Variants in GALNT13 observed in about 807,000 individuals in gnomAD.
The protein encoded by GALNT13 is polypeptide N-acetylgalactosaminyltransferase 13.
In GALNT13, 28 loss-of-function variants were observed where a neutral mutation model predicts 64.2. The observed-to-expected ratio is 0.44, with a 90% CI of 0.32 to 0.60. The LOEUF (loss-of-function observed/expected upper bound fraction) is 0.60, where lower values mean the gene tolerates loss of function less well. Ranked by LOEUF, GALNT13 falls within the 20% of genes least tolerant of loss-of-function variation. The pLI is 0.05. For synonymous variants in GALNT13, 214 were observed against 224.6 expected (o/e 0.95, Z 0.42); for missense variants, 577 against 669.8 (o/e 0.86, Z 1.53).
the GALNT13 span, among the ~76,000 whole-genome samples, chr2:153,632,405 G>C: frequency 0.2 from 29,652 of 151,984 alleles, 3,078 homozygotes; most frequent in African/African-American, 0.25. Flanking sequence ...TCCTTTGTGT[G>C]GTGGGGTTTT....
the GALNT13 span, among the ~76,000 whole-genome samples, chr2:153,858,081 A>G: frequency 9.8e-5 from 15 of 152,330 alleles, no homozygotes; most frequent in African/African-American, 3.4e-4. Flanking sequence ...ACTAGGAAAG[A>G]GAGATAGGTG....
At chr2:154,401,993 G>A (rs1472385332) in intron 10 of GALNT13, among the ~76,000 whole-genome samples, 1 of 152,054 alleles carries the variant, frequency 6.6e-6, no homozygotes, top group Non-Finnish European at 1.5e-5. Flanking sequence ...ATCCACAAGA[G>A]CAATCATATT....
chr2:153,883,024 A>G (rs1005605210), intron 1 of GALNT13, among the ~76,000 whole-genome samples: 4 of 148,720 alleles, frequency 2.7e-5, no homozygotes, highest in African/African-American at 9.8e-5. Flanking sequence ...AAAAGAGACA[A>G]ATATATGTTA....
intron 4 of GALNT13, among the ~76,000 whole-genome samples, chr2:154,191,144 G>C (rs1392568885): frequency 6.6e-6 from 1 of 152,168 alleles, no homozygotes; most frequent in Non-Finnish European, 1.5e-5. Flanking sequence ...AACAAACAAG[G>C]CTGCCTGCTC....
At chr2:154,425,825 T>C (rs1700444838) in intron 11 of GALNT13, among the ~76,000 whole-genome samples, 1 of 152,146 alleles carries the variant, frequency 6.6e-6, no homozygotes. Context: ...GAAAAGTATG[T>C]TGAATAAATA....
chr2:154,449,089 C>T (rs942925595), intron 12 of GALNT13, among the ~76,000 whole-genome samples: 1 of 151,834 alleles, frequency 6.6e-6, no homozygotes, highest in Non-Finnish European at 1.5e-5. Context: ...ATAAATCAGC[C>T]ATCTTCTTGC....
chr2:153,382,497 C>T, the GALNT13 span, among the ~76,000 whole-genome samples: 1 of 152,076 alleles, frequency 6.6e-6, no homozygotes, highest in African/African-American at 2.4e-5. Flanking sequence ...CTGCAAAAGA[C>T]ATGATTTCAT....
chr2:153,352,181 T>G, the GALNT13 span, among the ~76,000 whole-genome samples: 4 of 152,158 alleles, frequency 2.6e-5, no homozygotes, highest in Non-Finnish European at 5.9e-5. Context: ...TCATTACTGT[T>G]TTTATTTGCA....
At chr2:153,856,337 G>A in the GALNT13 span, among the ~76,000 whole-genome samples, 2 of 152,136 alleles carry the variant, frequency 1.3e-5, no homozygotes, top group African/African-American at 4.8e-5. Flanking sequence ...TGTTCATTAA[G>A]GATTTCCATT....
intron 8 of GALNT13, among the ~76,000 whole-genome samples, chr2:154,267,311 G>C (rs1691066679): frequency 6.6e-6 from 1 of 152,122 alleles, no homozygotes; most frequent in South Asian, 2.1e-4. Flanking sequence ...TAAGAGAATG[G>C]ATTGGTAAAT....
chr2:153,728,959 A>G, the GALNT13 span, among the ~76,000 whole-genome samples: 7 of 152,238 alleles, frequency 4.6e-5, no homozygotes, highest in Non-Finnish European at 8.8e-5. Context: ...ATCCCTGAAT[A>G]GACCAATAAC....
chr2:153,647,946 T>C, the GALNT13 span, among the ~76,000 whole-genome samples: 3 of 152,244 alleles, frequency 2.0e-5, no homozygotes, highest in South Asian at 4.2e-4. Context: ...ATTGGCAATG[T>C]GGGCTCTTTT....
At chr2:153,478,871 G>T in the GALNT13 span, 2 of 355,518 alleles carry the variant, frequency 5.6e-6, no homozygotes, top group African/African-American at 2.1e-5. Flanking sequence ...GGTGCGGGCC[G>T]CGGCGGCTGC....
At chr2:154,023,866 A>G (rs1697730559) in intron 3 of GALNT13, among the ~76,000 whole-genome samples, 1 of 152,128 alleles carries the variant, frequency 6.6e-6, no homozygotes, top group Non-Finnish European at 1.5e-5. Context: ...TGCTTCTTTC[A>G]GGAGCTCTTT....
intron 2 of GALNT13, among the ~76,000 whole-genome samples, chr2:153,905,425 A>T (rs1314975708): frequency 6.6e-6 from 1 of 151,996 alleles, no homozygotes; most frequent in Non-Finnish European, 1.5e-5. Flanking sequence ...TAACTTAGGC[A>T]CAGGAAGAAA....
the GALNT13 span, among the ~76,000 whole-genome samples, chr2:153,245,612 C>G: frequency 1.3e-5 from 2 of 152,104 alleles, no homozygotes; most frequent in East Asian, 3.9e-4. Context: ...AGACCTCCCC[C>G]CCTCCCAACA....
intron 3 of GALNT13, among the ~76,000 whole-genome samples, chr2:154,131,008 G>C (rs995460326): frequency 6.6e-6 from 1 of 152,164 alleles, no homozygotes; most frequent in African/African-American, 2.4e-5. Flanking sequence ...AAAATGGGAA[G>C]AATGGGGAAG....
the GALNT13 span, among the ~76,000 whole-genome samples, chr2:153,097,747 C>G: frequency 1.3e-5 from 2 of 152,110 alleles, no homozygotes; most frequent in Non-Finnish European, 2.9e-5. Context: ...TTTGTGCTCT[C>G]TATTGTCAGA....
intron 3 of GALNT13, among the ~76,000 whole-genome samples, chr2:153,966,246 G>A (rs1574225360): frequency 1.7e-5 from 2 of 118,812 alleles, no homozygotes; most frequent in East Asian, 5.4e-4. Context: ...TTTTACTTTA[G>A]CATGTTGAAT....
Sources: allele counts gnomAD v4.1 joint callset (sites outside exome capture counted in the v4.1 genomes callset), GRCh38; gene constraint gnomAD v4.1.1; transcripts MANE v1.5; gene names NCBI Gene and HGNC (gene_info 2026-07-23, HGNC 2026-07-21).